The following PXDC1 variants were observed in gnomAD, a reference collection of about 807,000 sequenced individuals.
The protein encoded by PXDC1 is PX domain containing 1.
In PXDC1, 13 loss-of-function variants were observed where a neutral mutation model predicts 24.4. The ratio of observed to expected loss-of-function variants is 0.53; its 90% CI spans 0.35 to 0.85. The LOEUF is 0.85. Ranked by LOEUF, PXDC1 falls within the 40% of genes least tolerant of loss-of-function variation. The probability of loss-of-function intolerance (pLI) is 0.01; values close to 1 mark genes in which losing one functional copy is unlikely to be tolerated. For synonymous variants in PXDC1, 162 were observed against 124.9 expected, an observed-to-expected ratio of 1.30 and a Z score of -1.98; for missense variants, 344 against 309.3, an observed-to-expected ratio of 1.11 and a Z score of -0.84.
At chr6:3,739,792 T>C (rs1561736990) in intron 1 of PXDC1, among the ~76,000 whole-genome samples, 1 of 152,218 alleles carries the variant, frequency 6.6e-6, no homozygotes, top group Non-Finnish European at 1.5e-5. Flanking sequence ...AATATTTATA[T>C]ACCGCAATTT....
In PXDC1 at chr6:3,723,331, A is replaced by G. The variant is rs1759982547; in HGVS notation, c.*288T>C. On this transcript the variant is annotated 3_prime_UTR_variant, in exon 5 of 5. Coordinates refer to ENST00000380283, the MANE Select transcript of PXDC1 (RefSeq NM_183373.4). ...CCACAGGAACTGTCCCTGCCCTGGCAGTGCGCAGCCCTGTGGGCACCAAGC... is the reference window on the plus strand; with the variant it reads ...CCACAGGAACTGTCCCTGCCCTGGCGGTGCGCAGCCCTGTGGGCACCAAGC... The G allele has an allele frequency of 4.7e-6, 2 of 423,316 alleles. No individual in the cohort carries two copies. The highest frequency in any genetic ancestry group is 3.6e-5 in the East Asian group (1 of 27,618). The allele number at this position is 423,316 out of a possible 1,614,324, so 26.2% of individuals were successfully genotyped here.
Position 3,727,572 on chromosome 6 carries a change from C to G in PXDC1, c.557G>C (p.Gly186Ala), listed in dbSNP as rs1441130229. ...TTACAAATGCTCTGTTGGGTCCACGCCCAGCTGCTGGTCTCTTCCATTTGG... is the reference window on the plus strand; with the variant it reads ...TTACAAATGCTCTGTTGGGTCCACGGCCAGCTGCTGGTCTCTTCCATTTGG... The part of the protein sequence containing the change: ...SIPNGRDQQL[G>A]VDPTEHLFEN... The change falls in exon 4 of 5, where the codon GGC (glycine) becomes GCC (alanine). Residue 186 changes from glycine to alanine, a missense_variant. By Grantham distance (60) the Gly-to-Ala change is moderately conservative. Coordinates refer to ENST00000380283, the MANE Select transcript of PXDC1 (RefSeq NM_183373.4). The G allele has an allele frequency of 1.9e-6, 3 of 1,611,010 alleles. No individual in the cohort carries two copies. The African/African-American group carries it at 4.0e-5, about 22-fold the overall frequency.
rs1760332197 is a variant in PXDC1 at position 3,736,947 on chromosome 6, A to T, written c.466+132T>A. 3 of 710,684 alleles carry T rather than the reference A, an allele frequency of 4.2e-6. No individual in the cohort carries two copies. In the African/African-American group the frequency reaches 5.3e-5, roughly 12 times the overall value. 44.0% of individuals were successfully genotyped at this position (710,684 alleles called of 1,614,324 possible). A position where few individuals can be genotyped will look rare whatever the true frequency, so the allele number is the denominator to read the frequency against. On this transcript the variant is annotated intron_variant, in intron 3 of 4. Transcript: ENST00000380283. ...ATCAGGCAACAGTCTCTCCCTGTAC[A>T]TTCGCATTTCTCTCGATTGTCTTTC...
chr6:3,727,489 C>T (rs1760093262), intron 4 of PXDC1, 62 bp downstream of exon 4: 1 of 1,170,920 alleles, frequency 8.5e-7, no homozygotes, highest in Non-Finnish European at 1.3e-6. Context: ...AGTGAGCCCC[C>T]ATCCCACAAG....
Position 3,737,004 on chromosome 6 carries a change from C to G in PXDC1, c.466+75G>C, listed in dbSNP as rs1206466962. The G allele has an allele frequency of 1.4e-5, 12 of 884,602 alleles. No individual in the cohort carries two copies. Among genetic ancestry groups the G allele is most frequent in the Non-Finnish European group, 2.3e-5 (12 of 521,788 alleles). 54.8% of individuals were successfully genotyped at this position (884,602 alleles called of 1,614,324 possible). ...AGTGTGGCCCAGCCTCAGAGACAGC[C>G]AACTGTGAGGGTTTCTGTGACATCT... On this transcript the variant is annotated intron_variant, in intron 3 of 4. Transcript: ENST00000380283. This position sits in a 1 kb window ranked among gnomAD's most constrained non-coding sequence, Gnocchi z 5.5.
intron 3 of PXDC1, among the ~76,000 whole-genome samples, chr6:3,729,984 C>T (rs1348253836): frequency 1.3e-5 from 2 of 152,156 alleles, no homozygotes; most frequent in Non-Finnish European, 2.9e-5. Flanking sequence ...ACCAGTCCCC[C>T]AAAAAATAGA....
At chr6:3,745,334 A>G (rs1436165442) in intron 1 of PXDC1, among the ~76,000 whole-genome samples, 1 of 152,236 alleles carries the variant, frequency 6.6e-6, no homozygotes, top group Admixed American at 6.5e-5. Flanking sequence ...GTGCCAGGGC[A>G]AAGAGCAAAT....
rs1004773093 is a variant in PXDC1 at position 3,737,580 on chromosome 6, T to G, written c.349-384A>C. 1.2e-6 allele frequency: 1 copy of G among 843,500 alleles called. No homozygotes were observed. The highest frequency in any genetic ancestry group is 1.8e-5 in the African/African-American group (1 of 54,362). The allele number at this position is 843,500 out of a possible 1,614,324, so 52.3% of individuals were successfully genotyped here. On this transcript the variant is annotated intron_variant, in intron 2 of 4. Coordinates refer to ENST00000380283, the MANE Select transcript of PXDC1 (RefSeq NM_183373.4). The surrounding 1 kb of genome is among the most constrained non-coding windows in gnomAD (Gnocchi z 5.5). ...GTCTGCCTGGCGCTCAAGTCCAGGTTCTTAACCACCACTCACGACGAAGCC... is the reference window on the plus strand; with the variant it reads ...GTCTGCCTGGCGCTCAAGTCCAGGTGCTTAACCACCACTCACGACGAAGCC...
Position 3,741,715 on chromosome 6 carries a change from G to A in PXDC1, c.257-3567C>T, listed in dbSNP as rs375168357. ...TACCACCAGAGCTCCAGAGCACGGC[G>A]ACAAGAACGCAGCGCGGGGCTGCCT... On this transcript the variant is annotated intron_variant, in intron 1 of 4. Coordinates refer to ENST00000380283, the MANE Select transcript of PXDC1 (RefSeq NM_183373.4). Among the ~76,000 whole-genome samples, 83 of 152,346 alleles carry A rather than the reference G, an allele frequency of 5.4e-4. No homozygotes were observed. In the South Asian group the frequency reaches 0.016, roughly 30 times the overall value.
rs76005979 is a variant in PXDC1 at position 3,749,223 on chromosome 6, C to T, written c.256+2053G>A. Among the ~76,000 whole-genome samples the T allele has an allele frequency of 6.1e-3, 927 of 151,832 alleles. 5 individuals are homozygous for T. Among genetic ancestry groups the T allele is most frequent in the Non-Finnish European group, 9.5e-3 (648 of 67,940 alleles). ...CCCTCCAGGGTGTGCCAGACTGTCC[C>T]CAGCAGAGAGAGCAGCTCCAACAGT... On this transcript the variant is annotated intron_variant, in intron 1 of 4. Transcript: ENST00000380283.
rs73355076 is a variant in PXDC1, at chr6:3,724,652, C to T, written c.579-916G>A. On this transcript the variant is annotated intron_variant, in intron 4 of 4. Coordinates refer to ENST00000380283, the MANE Select transcript of PXDC1 (RefSeq NM_183373.4). This position sits in a 1 kb window ranked among gnomAD's most constrained non-coding sequence, Gnocchi z 4.5. Reference sequence around the variant, plus strand: ...TGCCCCGCCCTCCTGGGAGCCACCTCGGGGCTGCCTCCTGTGCCGCCCCCA... The same window carrying T: ...TGCCCCGCCCTCCTGGGAGCCACCTTGGGGCTGCCTCCTGTGCCGCCCCCA... 5.3e-3 allele frequency among the ~76,000 whole-genome samples: 814 copies of T among 152,278 alleles called. 5 individuals are homozygous for T. The highest frequency in any genetic ancestry group is 0.018 in the African/African-American group (745 of 41,550).
chr6:3,742,830 A>G (rs1197345661), intron 1 of PXDC1, among the ~76,000 whole-genome samples: 3 of 152,128 alleles, frequency 2.0e-5, no homozygotes, highest in African/African-American at 7.2e-5. Context: ...CTGGACACAC[A>G]TTTGGGGACT....
At chr6:3,732,364 G>A (rs1483943635) in intron 3 of PXDC1, among the ~76,000 whole-genome samples, 1 of 152,146 alleles carries the variant, frequency 6.6e-6, no homozygotes, top group Non-Finnish European at 1.5e-5. Context: ...TGGCTAGCTG[G>A]GCTACCCCTA....
chr6:3,741,959 A>G (rs1366609465), intron 1 of PXDC1, among the ~76,000 whole-genome samples: 1 of 152,250 alleles, frequency 6.6e-6, no homozygotes, highest in Non-Finnish European at 1.5e-5. Flanking sequence ...ACCACAGTGC[A>G]GAAATAAAAG....
chr6:3,751,400 C>T lies in PXDC1; in HGVS notation c.132G>A (p.Glu44=). 6.3e-7 allele frequency: 1 copy of T among 1,575,084 alleles called. No individual in the cohort carries two copies. Among genetic ancestry groups the T allele is most frequent in the Non-Finnish European group, 8.6e-7 (1 of 1,161,542 alleles). The change falls in exon 1 of 5, where the codon GAG becomes GAA. Residue 44 remains glutamate (E), a synonymous_variant. Coordinates refer to ENST00000380283, the MANE Select transcript of PXDC1 (RefSeq NM_183373.4). ...GGTAGAGCACGCTGCGGTCCGACCACTCCGTGCGGATCTCGAAGAACTCCT... is the reference window on the plus strand; with the variant it reads ...GGTAGAGCACGCTGCGGTCCGACCATTCCGTGCGGATCTCGAAGAACTCCT... The part of the protein sequence containing the change: ...DEEEFFEIRT[E]WSDRSVLYLH...
chr6:3,730,334 A>C (rs1760167686), intron 3 of PXDC1, among the ~76,000 whole-genome samples: 1 of 152,214 alleles, frequency 6.6e-6, no homozygotes, highest in Non-Finnish European at 1.5e-5. Context: ...GGGTTCAGAA[A>C]GGGATGGTTT....
At chr6:3,733,685 G>C (rs970516346) in intron 3 of PXDC1, among the ~76,000 whole-genome samples, 1 of 152,134 alleles carries the variant, frequency 6.6e-6, no homozygotes, top group East Asian at 1.9e-4. Flanking sequence ...CAACACCTCC[G>C]GGCCCCCAGA....
intron 1 of PXDC1, chr6:3,739,190 A>G: frequency 9.4e-7 from 1 of 1,069,438 alleles, no homozygotes. Context: ...AAGATTTCTT[A>G]AACTTCCTGA....
At chr6:3,748,963 T>A (rs139741297) in intron 1 of PXDC1, among the ~76,000 whole-genome samples, 31 of 152,326 alleles carry the variant, frequency 2.0e-4, no homozygotes, top group Middle Eastern at 6.8e-3. Flanking sequence ...AAACAATAAA[T>A]CTGCATGGAA....
Sources: allele counts gnomAD v4.1 joint callset (sites outside exome capture counted in the v4.1 genomes callset), GRCh38; gene constraint gnomAD v4.1.1; non-coding constraint Gnocchi (gnomAD v3.1); transcripts MANE v1.5; gene names NCBI Gene and HGNC (gene_info 2026-07-23, HGNC 2026-07-21).